The following RCSD1 variants were observed in gnomAD, a reference collection of about 807,000 sequenced individuals.
RCSD1 encodes the protein capZ-interacting protein.
Under a neutral mutation model 42.5 loss-of-function variants are expected in RCSD1, and 26 were observed. That is an observed-to-expected ratio of 0.61 (90% confidence interval 0.45 to 0.85). The LOEUF (loss-of-function observed/expected upper bound fraction) is 0.85, where lower values mean the gene tolerates loss of function less well. Ranked by LOEUF, RCSD1 falls within the 40% of genes least tolerant of loss-of-function variation. RCSD1 has a pLI of 0.00. For missense variants in RCSD1, 571 were observed against 528.3 expected (o/e 1.08, Z -0.79); for synonymous variants, 220 against 212.2 (o/e 1.04, Z -0.32).
intron 4 of RCSD1, among the ~76,000 whole-genome samples, chr1:167,692,096 G>A (rs969490912): frequency 1.3e-5 from 2 of 152,158 alleles, no homozygotes; most frequent in Admixed American, 6.5e-5. Context: ...ACAACAACTT[G>A]AGAATGTGGT....
At chr1:167,674,672 T>C (rs913377981) in intron 1 of RCSD1, among the ~76,000 whole-genome samples, 6 of 152,344 alleles carry the variant, frequency 3.9e-5, no homozygotes, top group African/African-American at 1.4e-4. Context: ...ACCTACTTTC[T>C]TTCTCTCTGA....
chr1:167,695,174 G>A (rs774013001), intron 5 of RCSD1, among the ~76,000 whole-genome samples: 58 of 152,394 alleles, frequency 3.8e-4, no homozygotes, highest in African/African-American at 1.4e-3. Context: ...GCTAGGGCCA[G>A]AGTGGAAGTC....
intron 1 of RCSD1, among the ~76,000 whole-genome samples, chr1:167,670,133 A>G (rs1195711404): frequency 2.0e-5 from 3 of 152,098 alleles, no homozygotes; most frequent in Non-Finnish European, 4.4e-5. Flanking sequence ...GCTCCTGGAG[A>G]CCAACCACCC....
chr1:167,693,509 C>T (rs1659426723), intron 4 of RCSD1, among the ~76,000 whole-genome samples: 1 of 152,200 alleles, frequency 6.6e-6, no homozygotes, highest in Admixed American at 6.5e-5. Context: ...GCTCAGTGGC[C>T]TACTGTGTCC....
At chr1:167,684,236 A>G (rs558974243) in intron 2 of RCSD1, among the ~76,000 whole-genome samples, 2 of 152,348 alleles carry the variant, frequency 1.3e-5, no homozygotes, top group East Asian at 3.9e-4. Context: ...AATCAGACAC[A>G]GGGCAGAGAT....
intron 1 of RCSD1, among the ~76,000 whole-genome samples, chr1:167,650,312 G>C (rs1658270261): frequency 1.3e-5 from 2 of 152,152 alleles, no homozygotes; most frequent in Non-Finnish European, 1.5e-5. Context: ...TGTGTGTTGG[G>C]GTGGGGGCAG....
intron 1 of RCSD1, among the ~76,000 whole-genome samples, chr1:167,637,996 G>A (rs548339812): frequency 2.6e-5 from 4 of 152,304 alleles, no homozygotes; most frequent in African/African-American, 7.2e-5. Context: ...CAGCACCCAC[G>A]CCACAGGTCA....
intron 6 of RCSD1, among the ~76,000 whole-genome samples, chr1:167,699,688 G>A (rs1461047365): frequency 6.6e-6 from 1 of 152,192 alleles, no homozygotes; most frequent in Non-Finnish European, 1.5e-5. Context: ...GGTACTATGG[G>A]TTTGGATTGG....
chr1:167,705,041 C>G lies in RCSD1; in HGVS notation c.*345C>G, dbSNP rs1441546032. The stretch of plus-strand genomic sequence containing the variant: ...AGCCCTGGATGCTATCCACACCCAC[C>G]TATCCCTGCAGCTAATTTAGCTGAT... On this transcript the variant is annotated 3_prime_UTR_variant, in exon 7 of 7. Coordinates refer to ENST00000367854, the MANE Select transcript of RCSD1 (RefSeq NM_052862.4). 1.6e-5 allele frequency: 3 copies of G among 188,884 alleles called. No homozygotes were observed. The South Asian group carries it at 3.9e-4, about 24-fold the overall frequency. 11.7% of individuals were successfully genotyped at this position (188,884 alleles called of 1,614,324 possible).
chr1:167,646,446 TAA>T (rs10530984), intron 1 of RCSD1, among the ~76,000 whole-genome samples: 14,124 of 136,670 alleles, frequency 0.1, 1,188 homozygotes, highest in African/African-American at 0.23. Context: ...AACACTTTTC[TAA>T]AAAAAAAAAA....
intron 2 of RCSD1, among the ~76,000 whole-genome samples, chr1:167,684,422 G>T (rs74120627): frequency 0.026 from 3,892 of 152,300 alleles, 73 homozygotes; most frequent in African/African-American, 0.047. Flanking sequence ...AGAAAGAAGA[G>T]AGGGCTTGAA....
intron 1 of RCSD1, among the ~76,000 whole-genome samples, chr1:167,660,140 G>T (rs967195149): frequency 1.3e-5 from 2 of 152,154 alleles, no homozygotes; most frequent in African/African-American, 4.8e-5. Flanking sequence ...CAAGCTCTGT[G>T]TTAAGCATTT....
intron 6 of RCSD1, among the ~76,000 whole-genome samples, chr1:167,700,878 G>C (rs1301321395): frequency 2.6e-5 from 4 of 152,154 alleles, no homozygotes; most frequent in Admixed American, 1.3e-4. Context: ...GCCTTGCCAA[G>C]AGACCTCCCC....
Position 167,697,515 on chromosome 1 carries a change from G to A in RCSD1, c.891G>A (p.Gly297=). ...TSGPEAENRC[G]SPREEKPAGE... is the part of the protein sequence containing the mutation. ...GCCCAGAGGCAGAAAATAGGTGTGGGAGCCCCAGGGAGGAAAAGCCAGCTG... is the reference window on the plus strand; with the variant it reads ...GCCCAGAGGCAGAAAATAGGTGTGGAAGCCCCAGGGAGGAAAAGCCAGCTG... Residue 297 remains glycine, a synonymous_variant, in exon 6 of 7, where the codon GGG becomes GGA. Coordinates refer to ENST00000367854, the MANE Select transcript of RCSD1 (RefSeq NM_052862.4). 1 of 1,606,182 alleles carries A rather than the reference G, an allele frequency of 6.2e-7. No homozygotes were observed.
intron 1 of RCSD1, among the ~76,000 whole-genome samples, chr1:167,634,125 C>G (rs574280759): frequency 6.6e-6 from 1 of 152,260 alleles, no homozygotes; most frequent in East Asian, 1.9e-4. Flanking sequence ...AACTCCTTCC[C>G]CTCTCGGTCT....
intron 1 of RCSD1, among the ~76,000 whole-genome samples, chr1:167,679,626 G>A (rs1659031343): frequency 6.6e-6 from 1 of 152,186 alleles, no homozygotes; most frequent in South Asian, 2.1e-4. Flanking sequence ...CCTATTTCTG[G>A]TGAGAGAGAG....
intron 1 of RCSD1, among the ~76,000 whole-genome samples, chr1:167,669,641 G>T (rs1020637401): frequency 6.6e-6 from 1 of 152,220 alleles, no homozygotes; most frequent in Admixed American, 6.5e-5. Context: ...CGGTGCTCAG[G>T]ATGTTGCAGC....
In RCSD1 at chr1:167,704,958, A is replaced by G. The variant is rs932452774; in HGVS notation, c.*262A>G. 9.2e-6 allele frequency: 4 copies of G among 436,394 alleles called. No individual in the cohort carries two copies. The highest frequency in any genetic ancestry group is 6.0e-5 in the African/African-American group (3 of 49,648). The allele number at this position is 436,394 out of a possible 1,614,324, so 27.0% of individuals were successfully genotyped here. A position where few individuals can be genotyped will look rare whatever the true frequency, so the allele number is the denominator to read the frequency against. On this transcript the variant is annotated 3_prime_UTR_variant, in exon 7 of 7. Coordinates refer to ENST00000367854, the MANE Select transcript of RCSD1 (RefSeq NM_052862.4). ...TGATGGACTTGGTTCAACAACAAGA[A>G]CTTACTTAAAACAATGTACTGTGGT...
At chr1:167,645,724 G>A (rs1658120631) in intron 1 of RCSD1, among the ~76,000 whole-genome samples, 1 of 152,200 alleles carries the variant, frequency 6.6e-6, no homozygotes, top group East Asian at 1.9e-4. Flanking sequence ...AGCGACTAGA[G>A]TGGAAGACCT....
Sources: allele counts gnomAD v4.1 joint callset (sites outside exome capture counted in the v4.1 genomes callset), GRCh38; gene constraint gnomAD v4.1.1; transcripts MANE v1.5; gene names NCBI Gene and HGNC (gene_info 2026-07-23, HGNC 2026-07-21).